CRADD: variants seen among roughly 807,000 people sequenced by gnomAD.
The protein encoded by CRADD is CARD and death domain containing adaptor protein.
Under a neutral mutation model 15.5 loss-of-function variants are expected in CRADD, and 9 were observed. The ratio of observed to expected loss-of-function variants is 0.58; its 90% CI spans 0.35 to 1.01. The LOEUF (loss-of-function observed/expected upper bound fraction) is 1.01, where lower values mean the gene tolerates loss of function less well. Among genes scored for constraint, CRADD ranks in the 50% least tolerant of loss-of-function variants. CRADD has a pLI of 0.02. For missense variants in CRADD, 227 were observed against 250.3 expected (o/e 0.91, Z 0.63); for synonymous variants, 118 against 107.6 (o/e 1.10, Z -0.60).
At chr12:93,710,025 A>G (rs1956032442) in intron 2 of CRADD, among the ~76,000 whole-genome samples, 1 of 152,228 alleles carries the variant, frequency 6.6e-6, no homozygotes, top group Non-Finnish European at 1.5e-5. Flanking sequence ...AATGTTCCAA[A>G]ATATAGTGAC....
Position 93,810,551 on chromosome 12 carries a change from C to CAAAAAAAAAA in CRADD, c.299-39388_299-39379dup, listed in dbSNP as rs56689824. Among the ~76,000 whole-genome samples the CAAAAAAAAAA allele has an allele frequency of 5.4e-4, 21 of 39,068 alleles. 2 individuals carry two copies. Among genetic ancestry groups the CAAAAAAAAAA allele is most frequent in the East Asian group, 2.1e-3 (2 of 970 alleles). The allele number at this position is 39,068 out of a possible 152,430, so 25.6% of individuals were successfully genotyped here. A position where few individuals can be genotyped will look rare whatever the true frequency, so the allele number is the denominator to read the frequency against. On this transcript the variant is annotated intron_variant, in intron 2 of 2. Coordinates refer to ENST00000332896, the MANE Select transcript of CRADD (RefSeq NM_003805.5). Reference sequence around the variant, plus strand: ...GGGCAACAAGAGCGCAAATCAGTCTCAAAAAAAAAAAAAAAAAAAAAAAAA... The same window carrying CAAAAAAAAAA: ...GGGCAACAAGAGCGCAAATCAGTCTCAAAAAAAAAAAAAAAAAAAAAAAAAAAAAAAAAAA...
At chr12:93,890,902 A>G (rs1958571651) in intron 2 of CRADD, among the ~76,000 whole-genome samples, 1 of 151,504 alleles carries the variant, frequency 6.6e-6, no homozygotes, top group Non-Finnish European at 1.5e-5. Context: ...GGCACGTGCC[A>G]CACCTGACTA....
At chr12:93,694,448 A>G (rs1324244292) in intron 2 of CRADD, among the ~76,000 whole-genome samples, 2 of 152,202 alleles carry the variant, frequency 1.3e-5, no homozygotes, top group Admixed American at 6.5e-5. Flanking sequence ...CTTACTCAAC[A>G]TAATACTGGA....
At chr12:93,681,535 A>G (rs912590662) in intron 2 of CRADD, among the ~76,000 whole-genome samples, 1 of 152,228 alleles carries the variant, frequency 6.6e-6, no homozygotes, top group Non-Finnish European at 1.5e-5. Context: ...TGACAATCAC[A>G]TAAACTCTTT....
intron 2 of CRADD, among the ~76,000 whole-genome samples, chr12:93,819,256 A>G (rs1439792004): frequency 6.6e-6 from 1 of 152,250 alleles, no homozygotes; most frequent in East Asian, 1.9e-4. Context: ...GAGAAGACTC[A>G]TTCATACACA....
At chr12:93,690,628 A>G (rs1955541715) in intron 2 of CRADD, among the ~76,000 whole-genome samples, 1 of 152,256 alleles carries the variant, frequency 6.6e-6, no homozygotes, top group African/African-American at 2.4e-5. Context: ...CCTTTGAGGT[A>G]GGCACTACTG....
At chr12:93,782,684 AAAAAATGC>A (rs1391900652) in intron 2 of CRADD, among the ~76,000 whole-genome samples, 2 of 152,120 alleles carry the variant, frequency 1.3e-5, no homozygotes, top group African/African-American at 2.4e-5. Flanking sequence ...TGACTAACTA[AAAAAATGC>A]CTTTTTTTTT....
In CRADD at chr12:93,678,817, G is replaced by C. The variant is rs150059138; in HGVS notation, c.43G>C (p.Glu15Gln). Residue 15 changes from glutamate to glutamine, a missense_variant, in exon 2 of 3, where the codon GAG becomes CAG. Transcript: ENST00000332896. Reference sequence around the variant, plus strand: ...ACAAGTACTCCGCTCACTTCGCCTGGAGCTGGGTGCAGAGGTATTGGTGGA... The same window carrying C: ...ACAAGTACTCCGCTCACTTCGCCTGCAGCTGGGTGCAGAGGTATTGGTGGA... The part of the protein sequence containing the change: ...DKQVLRSLRL[E>Q]LGAEVLVEGL... 3.1e-6 allele frequency: 5 copies of C among 1,614,034 alleles called. No individual in the cohort carries two copies. In the African/African-American group the frequency reaches 6.7e-5, roughly 22 times the overall value.
At chr12:93,700,206 G>A (rs1327880281) in intron 2 of CRADD, among the ~76,000 whole-genome samples, 1 of 152,080 alleles carries the variant, frequency 6.6e-6, no homozygotes, top group Non-Finnish European at 1.5e-5. Context: ...CAGTATTTCC[G>A]TCAATGTCAT....
chr12:93,886,998 A>G (rs967502523), intron 2 of CRADD, among the ~76,000 whole-genome samples: 24 of 152,226 alleles, frequency 1.6e-4, no homozygotes, highest in Non-Finnish European at 3.4e-4. Flanking sequence ...GCTGAAGTTC[A>G]AGGAAGTTAG....
Position 93,692,124 on chromosome 12 carries a change from T to C in CRADD, c.298+13052T>C, listed in dbSNP as rs11107155. 9.2e-3 allele frequency among the ~76,000 whole-genome samples: 1,403 copies of C among 152,066 alleles called. 14 individuals carry two copies. The highest frequency in any genetic ancestry group is 0.032 in the African/African-American group (1,344 of 41,470). ...GCAATAGAGAGTATCAACAGCAGAATTAATCAAGCAGAAGAAAGAATCTGT... is the reference window on the plus strand; with the variant it reads ...GCAATAGAGAGTATCAACAGCAGAACTAATCAAGCAGAAGAAAGAATCTGT... On this transcript the variant is annotated intron_variant, in intron 2 of 2. Coordinates refer to ENST00000332896, the MANE Select transcript of CRADD (RefSeq NM_003805.5).
At chr12:93,784,342 A>G (rs1345717357) in intron 2 of CRADD, among the ~76,000 whole-genome samples, 2 of 152,042 alleles carry the variant, frequency 1.3e-5, no homozygotes, top group African/African-American at 4.8e-5. Flanking sequence ...TGAATATCTA[A>G]TCATGTTTAA....
rs150659902 is a variant in CRADD, at chr12:93,888,550, A to G, written c.299-5500A>G. Among the ~76,000 whole-genome samples, 208 of 152,186 alleles carry G rather than the reference A, an allele frequency of 1.4e-3. 1 individual carries two copies. Among genetic ancestry groups the G allele is most frequent in the African/African-American group, 4.6e-3 (192 of 41,530 alleles). On this transcript the variant is annotated intron_variant, in intron 2 of 2. Coordinates refer to the CRADD transcript ENST00000548483. The stretch of plus-strand genomic sequence containing the variant: ...AGGGTTTAAGCATGAGGATAAGATG[A>G]TCATATGTGTGTTTTAGAAAGGTCA...
intron 2 of CRADD, among the ~76,000 whole-genome samples, chr12:93,686,035 C>T (rs959477850): frequency 1.7e-4 from 25 of 151,168 alleles, no homozygotes; most frequent in African/African-American, 5.6e-4. Flanking sequence ...TGTAGTGGCT[C>T]ATGCCTGTAA....
chr12:93,853,556 G>C (rs1958246051), downstream of CRADD, among the ~76,000 whole-genome samples: 1 of 152,110 alleles, frequency 6.6e-6, no homozygotes, highest in South Asian at 2.1e-4. Context: ...ATCCCCGTTT[G>C]GAACCATGTT....
At chr12:93,694,751 C>T (rs1171764559) in intron 2 of CRADD, among the ~76,000 whole-genome samples, 1 of 151,982 alleles carries the variant, frequency 6.6e-6, no homozygotes, top group African/African-American at 2.4e-5. Context: ...GAATACTTAA[C>T]CAAGGATGTG....
intron 2 of CRADD, among the ~76,000 whole-genome samples, chr12:93,700,404 A>C (rs1252880423): frequency 6.6e-6 from 1 of 151,772 alleles, no homozygotes. Flanking sequence ...GCTCTTCTGC[A>C]TACTAGCCAA....
At chr12:93,679,198 A>AT in intron 2 of CRADD, 126 bp downstream of exon 2, 1 of 737,416 alleles carries the variant, frequency 1.4e-6, no homozygotes, top group Non-Finnish European at 2.2e-6. Context: ...CTGGAGTGCA[A>AT]TGGTGTGATC....
intron 2 of CRADD, among the ~76,000 whole-genome samples, chr12:93,770,953 C>A (rs1957080086): frequency 6.6e-6 from 1 of 152,154 alleles, no homozygotes; most frequent in Non-Finnish European, 1.5e-5. Context: ...ATTGAATCTT[C>A]CTCTTTGTAC....
Sources: allele counts gnomAD v4.1 joint callset (sites outside exome capture counted in the v4.1 genomes callset), GRCh38; gene constraint gnomAD v4.1.1; transcripts MANE v1.5; gene names NCBI Gene and HGNC (gene_info 2026-07-23, HGNC 2026-07-21).